The following RPS19BP1 variants were observed in gnomAD, a reference collection of about 807,000 sequenced individuals.
RPS19BP1 encodes the protein ribosomal protein S19 binding protein 1, also known as active regulator of SIRT1.
RPS19BP1 carries 14 observed loss-of-function variants against 16.6 expected under a neutral mutation model. That is an observed-to-expected ratio of 0.84 (90% CI 0.56 to 1.32). The LOEUF is 1.32. RPS19BP1 is among the 40% of genes most tolerant of loss of function. The pLI, the probability that RPS19BP1 is intolerant of heterozygous loss-of-function variation, is 0.00. For missense variants in RPS19BP1, 188 were observed against 178.6 expected, an observed-to-expected ratio of 1.05 and a Z score of -0.30; for synonymous variants, 90 against 77.3, an observed-to-expected ratio of 1.16 and a Z score of -0.86.
chr22:39,529,973 T>C, intron 2 of RPS19BP1, 56 bp from the exon 3 acceptor site: 1 of 1,431,680 alleles, frequency 7.0e-7, no homozygotes, highest in Non-Finnish European at 9.8e-7. Flanking sequence ...GGAACCATTC[T>C]CAGTCCCTGG....
In RPS19BP1 at chr22:39,532,729, C is replaced by A. The variant is rs1462373678; in HGVS notation, c.10G>T (p.Ala4Ser). Residue 4 changes from alanine (A) to serine (S), a missense_variant, in exon 1 of 4, where the codon GCC becomes TCC. By Grantham distance (99) the Ala-to-Ser change is moderately conservative. Coordinates refer to ENST00000334678, the MANE Select transcript of RPS19BP1 (RefSeq NM_194326.4). ...AGCTCCAGGCCCCGCCGCAGCAGGG[C>A]GGCGGACATGGCGGCGCTTGGCTCC... MSA[A>S]LLRRGLELLA... The A allele has an allele frequency of 5.8e-6, 9 of 1,544,092 alleles. No individual in the cohort carries two copies. The East Asian group carries it at 1.7e-4, about 29-fold the overall frequency.
At position 39,529,897 on chromosome 22, in the gene RPS19BP1, ACT is replaced by A. The variant is rs752493828; in HGVS notation, c.200_201del (p.Glu67ValfsTer21). Reference protein sequence around the residue: ...KSALDEYRKRECRDHLRVNLK... With the variant: ...KSALDEYRKRXCRDHLRVNLK... The stretch of plus-strand genomic sequence containing the variant: ...AGGTTTACTCTGAGGTGGTCTCGAC[ACT>A]CTCGCTTCCGGTACTCGTCTGTGGG... On this transcript the variant is annotated frameshift_variant, in exon 3 of 4. Transcript: ENST00000334678. LOFTEE classifies it high-confidence loss of function. 1.2e-6 allele frequency: 2 copies of A among 1,613,734 alleles called. No individual in the cohort carries two copies. Among genetic ancestry groups the A allele is most frequent in the Admixed American group, 1.7e-5 (1 of 59,982 alleles).
At chr22:39,530,464 C>G (rs1018972218) in intron 2 of RPS19BP1, 1 of 253,328 alleles carries the variant, frequency 3.9e-6, no homozygotes. Flanking sequence ...TGGCTCACAC[C>G]TGTAATCTCA....
intron 2 of RPS19BP1, 23 bp from the exon 3 acceptor site, chr22:39,529,940 AC>A: frequency 6.3e-7 from 1 of 1,589,944 alleles, no homozygotes; most frequent in Non-Finnish European, 8.6e-7. Flanking sequence ...GGCAGGGAGC[AC>A]CATTTCAGAT....
chr22:39,532,718 C>T lies in RPS19BP1; in HGVS notation c.21G>A (p.Arg7=). The T allele has an allele frequency of 6.5e-7, 1 of 1,544,810 alleles. No individual in the cohort carries two copies. The highest frequency in any genetic ancestry group is 8.7e-7 in the Non-Finnish European group (1 of 1,147,680). ...ACGCCGCCAGCAGCTCCAGGCCCCG[C>T]CGCAGCAGGGCGGCGGACATGGCGG... MSAALL[R]RGLELLAASE... The change falls in exon 1 of 4, where the codon CGG becomes CGA. Residue 7 remains arginine, a synonymous_variant. Transcript: ENST00000334678.
In RPS19BP1 at chr22:39,529,290, C is replaced by T. The variant is rs367727076; in HGVS notation, c.*202G>A. 3.0e-6 allele frequency: 2 copies of T among 660,792 alleles called. No individual in the cohort carries two copies. Among genetic ancestry groups the T allele is most frequent in the Non-Finnish European group, 2.5e-6 (1 of 394,152 alleles). 40.9% of individuals were successfully genotyped at this position (660,792 alleles called of 1,614,324 possible). On this transcript the variant is annotated 3_prime_UTR_variant, in exon 4 of 4. Coordinates refer to ENST00000334678, the MANE Select transcript of RPS19BP1 (RefSeq NM_194326.4). Reference sequence around the variant, plus strand: ...TGCCCAGGCCTGCGGAAGCCAGCTCCGGTCTGTGTGTAAATCCTCCCCAGG... The same window carrying T: ...TGCCCAGGCCTGCGGAAGCCAGCTCTGGTCTGTGTGTAAATCCTCCCCAGG...
chr22:39,529,681 G>A, intron 3 of RPS19BP1, 58 bp from the exon 4 acceptor site: 3 of 1,606,292 alleles, frequency 1.9e-6, no homozygotes, highest in East Asian at 4.5e-5. Context: ...GGCCCGCAAA[G>A]GTCACAGGGG....
At position 39,529,911 on chromosome 22, in the gene RPS19BP1, T is replaced by A; in HGVS notation, c.188A>T (p.Tyr63Phe). 6.2e-7 allele frequency: 1 copy of A among 1,613,932 alleles called. No individual in the cohort carries two copies. The highest frequency in any genetic ancestry group is 8.5e-7 in the Non-Finnish European group (1 of 1,179,790). The change falls in exon 3 of 4, where the codon TAC becomes TTC. Residue 63 changes from tyrosine to phenylalanine, a missense_variant. Tyr to Phe is a conservative substitution (Grantham distance 22). Coordinates refer to ENST00000334678, the MANE Select transcript of RPS19BP1 (RefSeq NM_194326.4). ...GKVPKSALDEYRKRECRDHLR... is the reference protein window; with the variant it reads ...GKVPKSALDEFRKRECRDHLR... The stretch of plus-strand genomic sequence containing the variant: ...GTGGTCTCGACACTCTCGCTTCCGG[T>A]ACTCGTCTGTGGGTAGCAGGCAGGG...
At chr22:39,530,191 A>G in intron 2 of RPS19BP1, 1 of 457,888 alleles carries the variant, frequency 2.2e-6, no homozygotes, top group South Asian at 3.0e-5. Flanking sequence ...ATGAAGGACA[A>G]AGGACCCAGT....
At position 39,529,394 on chromosome 22, in the gene RPS19BP1, C is replaced by T; in HGVS notation, c.*98G>A. ...TCCTCGAGCCAGGCTGGTCCTGCATCGCCATCTGCTGGCCGCGCGGCACGG... is the reference window on the plus strand; with the variant it reads ...TCCTCGAGCCAGGCTGGTCCTGCATTGCCATCTGCTGGCCGCGCGGCACGG... On this transcript the variant is annotated 3_prime_UTR_variant, in exon 4 of 4. Coordinates refer to ENST00000334678, the MANE Select transcript of RPS19BP1 (RefSeq NM_194326.4). The T allele has an allele frequency of 1.3e-6, 2 of 1,511,440 alleles. No individual in the cohort carries two copies. The highest frequency in any genetic ancestry group is 1.8e-6 in the Non-Finnish European group (2 of 1,114,914). The allele number at this position is 1,511,440 out of a possible 1,614,324, so 93.6% of individuals were successfully genotyped here. A position where few individuals can be genotyped will look rare whatever the true frequency, so the allele number is the denominator to read the frequency against.
chr22:39,532,691 G>C lies in RPS19BP1; in HGVS notation c.48C>G (p.Ser16=). The part of the protein sequence containing the change: ...LRRGLELLAA[S]EAPRDPPGQA... ...CCCCTGGCCAGCCCTCCTCACCCTC[G>C]GACGCCGCCAGCAGCTCCAGGCCCC... Residue 16 remains serine (S), a synonymous_variant, in exon 1 of 4, where the codon TCC becomes TCG. Transcript: ENST00000334678. 4 of 1,544,520 alleles carry C rather than the reference G, an allele frequency of 2.6e-6. No individual in the cohort carries two copies. The highest frequency in any genetic ancestry group is 2.6e-6 in the Non-Finnish European group (3 of 1,148,090).
At chr22:39,529,775 C>T (rs1308851043) in intron 3 of RPS19BP1, 45 bp downstream of exon 3, 4 of 1,600,516 alleles carry the variant, frequency 2.5e-6, no homozygotes, top group South Asian at 2.2e-5. Flanking sequence ...GGAACAGCCT[C>T]GGCTCTCACC....
chr22:39,532,155 A>T (rs1186952049), intron 2 of RPS19BP1: 7 of 531,338 alleles, frequency 1.3e-5, no homozygotes, highest in Non-Finnish European at 2.0e-5. Context: ...GCACTTAGCA[A>T]TGACACACTG....
At chr22:39,532,365 G>C (rs1236651051) in intron 2 of RPS19BP1, 30 bp downstream of exon 2, 1 of 1,613,990 alleles carries the variant, frequency 6.2e-7, no homozygotes, top group East Asian at 2.2e-5. Context: ...AGCACCGGAG[G>C]CAGCACTTTC....
chr22:39,530,249 G>A, intron 2 of RPS19BP1: 2 of 315,300 alleles, frequency 6.3e-6, no homozygotes, highest in East Asian at 7.9e-5. Flanking sequence ...AGAGGAAACA[G>A]AAAAGGGGAA....
At chr22:39,532,588 GC>G in intron 1 of RPS19BP1, 65 bp from the exon 2 acceptor site, 3 of 1,609,780 alleles carry the variant, frequency 1.9e-6, no homozygotes, top group Admixed American at 3.3e-5. Flanking sequence ...TGCCACTGGG[GC>G]TAAGCCCGGC....
chr22:39,530,274 G>T, intron 2 of RPS19BP1: 2 of 275,228 alleles, frequency 7.3e-6, no homozygotes, highest in Non-Finnish European at 1.4e-5. Flanking sequence ...AGGGGTGGAG[G>T]GTGCAATTTC....
chr22:39,531,795 G>A (rs1269554324), intron 2 of RPS19BP1: 1 of 152,422 alleles, frequency 6.6e-6, no homozygotes, highest in East Asian at 1.9e-4. Flanking sequence ...TAGTAGTATC[G>A]ACCTCAAAGG....
chr22:39,532,426 CG>C lies in RPS19BP1; in HGVS notation c.149del (p.Ser50TrpfsTer25), dbSNP rs777949839. The stretch of plus-strand genomic sequence containing the variant: ...CCGACTTGGGCACCTTTCCCTTGGC[CG>C]AGTTCCGCAGTTTCTGGGCCTGAAT... ...KAIQAQKLRNSAKGKVPKSAL... is the reference protein window; with the variant it reads ...KAIQAQKLRNXAKGKVPKSAL... On this transcript the variant is annotated frameshift_variant, in exon 2 of 4. Transcript: ENST00000334678. LOFTEE classifies it high-confidence loss of function. 3 of 1,614,234 alleles carry C rather than the reference CG, an allele frequency of 1.9e-6. No individual in the cohort carries two copies. Among genetic ancestry groups the C allele is most frequent in the Non-Finnish European group, 2.5e-6 (3 of 1,180,042 alleles).
Sources: gnomAD v4.1 joint callset for allele counts on GRCh38, gnomAD v4.1.1 for gene constraint, MANE v1.5 for transcripts, NCBI Gene and HGNC (gene_info 2026-07-23, HGNC 2026-07-21) for gene names.